Variants in LAMB4 observed in about 807,000 individuals in gnomAD.
LAMB4 encodes the protein laminin subunit beta 4.
A neutral mutation model predicts 199.2 loss-of-function variants in LAMB4; 196 were observed. The observed-to-expected ratio is 0.98, with a 90% CI of 0.88 to 1.11. LAMB4 has a LOEUF of 1.11. LAMB4 is among the 50% of genes least tolerant of loss of function. The pLI is 0.00. For synonymous variants in LAMB4, 744 were observed against 770.6 expected (o/e 0.97, Z 0.57); for missense variants, 2,080 against 2,171.2 (o/e 0.96, Z 0.83).
intron 23 of LAMB4, among the ~76,000 whole-genome samples, chr7:108,059,080 C>T (rs987090685): frequency 1.3e-5 from 2 of 150,052 alleles, no homozygotes; most frequent in Admixed American, 1.3e-4. Context: ...TTTCTTATAC[C>T]GAAGTACAAT....
chr7:108,066,054 A>G (rs1288261591), intron 20 of LAMB4, 135 bp from the exon 21 acceptor site: 2 of 902,628 alleles, frequency 2.2e-6, no homozygotes, highest in African/African-American at 1.8e-5. Flanking sequence ...TGCTCTGCAA[A>G]ACGACTTTTG....
intron 29 of LAMB4, among the ~76,000 whole-genome samples, chr7:108,043,416 T>C (rs971550359): frequency 6.6e-6 from 1 of 152,136 alleles, no homozygotes; most frequent in Admixed American, 6.5e-5. Context: ...TACAGAAAGC[T>C]GTAATTTTTT....
intron 29 of LAMB4, among the ~76,000 whole-genome samples, chr7:108,041,921 C>G (rs1636957): frequency 1.3e-5 from 2 of 152,006 alleles, no homozygotes; most frequent in Non-Finnish European, 2.9e-5. Context: ...AAGTGAAGTT[C>G]CTTCAATCAC....
Position 108,107,759 on chromosome 7 carries a change from C to A in LAMB4, c.463G>T (p.Val155Leu), listed in dbSNP as rs748168711. ...RSTDYGHNWK[V>L]FKYFAKDCAT... ...CAGTCTTTTGCAAAATATTTGAACA[C>A]TTTCCAGTTGTGTCCATAGTCTGTG... The change falls in exon 6 of 34, where the codon GTG (valine) becomes TTG (leucine). Residue 155 changes from valine to leucine, a missense_variant. Val to Leu is a conservative substitution (Grantham distance 32, BLOSUM62 1). Coordinates refer to ENST00000388781, the MANE Select transcript of LAMB4 (RefSeq NM_007356.3). 6.2e-7 allele frequency: 1 copy of A among 1,613,802 alleles called. No individual in the cohort carries two copies. The highest frequency in any genetic ancestry group is 1.1e-5 in the South Asian group (1 of 90,970).
At chr7:108,092,102 C>T (rs1021251175) in intron 13 of LAMB4, among the ~76,000 whole-genome samples, 1 of 151,984 alleles carries the variant, frequency 6.6e-6, no homozygotes, top group Non-Finnish European at 1.5e-5. Context: ...TTAGGCAGGT[C>T]ACACGTATTC....
In LAMB4 at chr7:108,048,025, A is replaced by G; in HGVS notation, c.4209T>C (p.Cys1403=). ...LCTGRKGHRK[C]RGPGCHGSLT... ...GGGAGCCGTGACAGCCGGGACCCCT[A>G]CACTTCCTGTGCCCCTTCCGGCCCG... Residue 1403 remains cysteine, a synonymous_variant, in exon 28 of 34, where the codon TGT becomes TGC. Coordinates refer to ENST00000388781, the MANE Select transcript of LAMB4 (RefSeq NM_007356.3). 2 of 1,614,208 alleles carry G rather than the reference A, an allele frequency of 1.2e-6. No homozygotes were observed. The highest frequency in any genetic ancestry group is 1.7e-6 in the Non-Finnish European group (2 of 1,180,038).
chr7:108,030,850 C>T lies in LAMB4; in HGVS notation c.4948G>A (p.Val1650Ile). 1 of 1,614,194 alleles carries T rather than the reference C, an allele frequency of 6.2e-7. No individual in the cohort carries two copies. The highest frequency in any genetic ancestry group is 8.5e-7 in the Non-Finnish European group (1 of 1,180,018). Residue 1650 changes from valine (V) to isoleucine (I), a missense_variant, in exon 32 of 34, where the codon GTT becomes ATT. Transcript: ENST00000388781. ...TGGTGTTGGGCAGATTCAGCCTGAA[C>T]TTTCGCATTGACAGCGTGGTCTTGA... ...RHQDHAVNAK[V>I]QAESAQHQAG...
At chr7:108,120,979 A>G (rs17155018) in intron 2 of LAMB4, among the ~76,000 whole-genome samples, 8,274 of 152,268 alleles carry the variant, frequency 0.054, 727 homozygotes, top group African/African-American at 0.18. Context: ...TGTCTAAAAT[A>G]TTTGGCAAAA....
chr7:108,084,361 G>T (rs2037080526), intron 14 of LAMB4, among the ~76,000 whole-genome samples: 1 of 152,164 alleles, frequency 6.6e-6, no homozygotes, highest in Admixed American at 6.5e-5. Flanking sequence ...CAGCTTCATG[G>T]TTACCTAGGA....
At chr7:108,046,319 G>A (rs564532022) in intron 28 of LAMB4, among the ~76,000 whole-genome samples, 48 of 148,348 alleles carry the variant, frequency 3.2e-4, no homozygotes, top group African/African-American at 1.2e-3. Context: ...TCGAACTCCT[G>A]ACTTCAGGTG....
chr7:108,032,909 G>C (rs982346180), intron 31 of LAMB4, among the ~76,000 whole-genome samples: 3 of 152,120 alleles, frequency 2.0e-5, no homozygotes, highest in Admixed American at 2.0e-4. Context: ...TCAAGTTAGT[G>C]CTTGATTACC....
At chr7:108,073,397 T>TA (rs1266578168) in intron 17 of LAMB4, among the ~76,000 whole-genome samples, 1 of 152,254 alleles carries the variant, frequency 6.6e-6, no homozygotes, top group Non-Finnish European at 1.5e-5. Flanking sequence ...TTCCATGGTT[T>TA]AAAAAGAAGA....
rs2038071806 is a variant in LAMB4 at position 108,107,672 on chromosome 7, C to T, written c.550G>A (p.Asp184Asn). Residue 184 changes from aspartate to asparagine, a missense_variant, in exon 6 of 34, where the codon GAC becomes AAC. Transcript: ENST00000388781. ...QAQGVGDIVC[D>N]SKYSDIEPST... ...GGTTCAATATCCGAGTATTTGGAGT[C>T]ACAAACAATGTCTCCCACTCCCTGG... 6.2e-7 allele frequency: 1 copy of T among 1,611,980 alleles called. No homozygotes were observed. Among genetic ancestry groups the T allele is most frequent in the South Asian group, 1.1e-5 (1 of 90,322 alleles).
Position 108,117,251 on chromosome 7 carries a change from A to G in LAMB4, c.35-1090T>C, listed in dbSNP as rs547413537. 8.5e-5 allele frequency among the ~76,000 whole-genome samples: 13 copies of G among 152,332 alleles called. No homozygotes were observed. The South Asian group carries it at 2.5e-3, about 29-fold the overall frequency. On this transcript the variant is annotated intron_variant, in intron 2 of 33. Transcript: ENST00000388781. ...TAACGTTTGAGAACTATCAAGTTAG[A>G]TAAAGAAGGAAACAAAGGAAACTCT...
chr7:108,041,354 T>A (rs2035415608), intron 29 of LAMB4, among the ~76,000 whole-genome samples: 1 of 152,120 alleles, frequency 6.6e-6, no homozygotes, highest in Admixed American at 6.6e-5. Context: ...CTCAAAGACC[T>A]AAAAAAAGAT....
intron 14 of LAMB4, among the ~76,000 whole-genome samples, chr7:108,083,070 T>G (rs1379642420): frequency 6.6e-6 from 1 of 152,204 alleles, no homozygotes; most frequent in African/African-American, 2.4e-5. Flanking sequence ...TTCCATACTT[T>G]TAAGGAAAAA....
chr7:108,052,194 A>G lies in LAMB4; in HGVS notation c.3819T>C (p.Asp1273=), dbSNP rs1167701215. ...KAVYEFQDLK[D]TIERAKNEAD... is the part of the protein sequence containing the mutation. ...CTTCATTCTTTGCTCTTTCTATTGT[A>G]TCTTTCAGATCTTGAAATTCATACA... Residue 1273 remains aspartate, a synonymous_variant, in exon 26 of 34, where the codon GAT becomes GAC. Coordinates refer to ENST00000388781, the MANE Select transcript of LAMB4 (RefSeq NM_007356.3). 1 of 1,611,794 alleles carries G rather than the reference A, an allele frequency of 6.2e-7. No individual in the cohort carries two copies. The highest frequency in any genetic ancestry group is 8.5e-7 in the Non-Finnish European group (1 of 1,178,856).
At chr7:108,074,568 C>A (rs776242279) in intron 17 of LAMB4, among the ~76,000 whole-genome samples, 1 of 152,014 alleles carries the variant, frequency 6.6e-6, no homozygotes, top group Non-Finnish European at 1.5e-5. Context: ...GGGGTTTCGC[C>A]ATGTTGCCTA....
At chr7:108,079,255 A>G (rs528072320) in intron 15 of LAMB4, among the ~76,000 whole-genome samples, 42 of 152,334 alleles carry the variant, frequency 2.8e-4, no homozygotes, top group African/African-American at 9.9e-4. Flanking sequence ...GAATGTCTGC[A>G]CATGTGTTGG....
Sources: allele counts gnomAD v4.1 joint callset (sites outside exome capture counted in the v4.1 genomes callset), GRCh38; gene constraint gnomAD v4.1.1; transcripts MANE v1.5; gene names NCBI Gene and HGNC (gene_info 2026-07-23, HGNC 2026-07-21).